Variants in ERICH3 observed in about 807,000 individuals in gnomAD.
The protein encoded by ERICH3 is glutamate rich 3, also known as glutamate-rich protein 3.
In ERICH3, 126 loss-of-function variants were observed where a neutral mutation model predicts 131.1. The ratio of observed to expected loss-of-function variants is 0.96; its 90% CI spans 0.83 to 1.11. ERICH3 has a LOEUF of 1.11. ERICH3 is among the 50% of genes most tolerant of loss of function. The probability of loss-of-function intolerance (pLI) is 0.00; values close to 1 mark genes in which losing one functional copy is unlikely to be tolerated. For missense variants in ERICH3, 2,050 were observed against 1,810.7 expected (o/e 1.13, Z -2.40); for synonymous variants, 695 against 644.6 (o/e 1.08, Z -1.18).
At chr1:74,667,582 A>G (rs2100660296) in intron 1 of ERICH3, among the ~76,000 whole-genome samples, 1 of 152,346 alleles carries the variant, frequency 6.6e-6, no homozygotes, top group Non-Finnish European at 1.5e-5. Context: ...AAAAATAATT[A>G]AACTTTACCT....
chr1:74,646,787 T>G lies in ERICH3; in HGVS notation c.123A>C (p.Thr41=), dbSNP rs959129422. 4.1e-6 allele frequency: 6 copies of G among 1,466,350 alleles called. No individual in the cohort carries two copies. The highest frequency in any genetic ancestry group is 5.6e-6 in the Non-Finnish European group (6 of 1,078,620). The allele number at this position is 1,466,350 out of a possible 1,614,324, so 90.8% of individuals were successfully genotyped here. A position where few individuals can be genotyped will look rare whatever the true frequency, so the allele number is the denominator to read the frequency against. ...TTTCAGAAAGTATTCTTCCACTTCT[T>G]GTGATCTGTCATGAATAAATAAAAT... ...RRHLLRSGLI[T]RSGRILSEKE... is the part of the protein sequence containing the mutation. The change falls in exon 3 of 15, where the codon ACA becomes ACC. Residue 41 remains threonine, a synonymous_variant. Transcript: ENST00000326665.
At chr1:74,650,646 G>C (rs1237710896) in intron 1 of ERICH3, among the ~76,000 whole-genome samples, 2 of 152,156 alleles carry the variant, frequency 1.3e-5, no homozygotes, top group East Asian at 1.9e-4. Flanking sequence ...AGGAAAAAGG[G>C]ATGATTCACA....
chr1:74,623,467 A>G (rs1219160747), intron 7 of ERICH3: 1 of 152,166 alleles, frequency 6.6e-6, no homozygotes, highest in Non-Finnish European at 1.5e-5. Context: ...ACTCCTCTCC[A>G]TCTTCTTCAC....
chr1:74,605,478 T>C (rs1648341492), intron 10 of ERICH3, among the ~76,000 whole-genome samples: 2 of 151,944 alleles, frequency 1.3e-5, no homozygotes, highest in Admixed American at 6.6e-5. Context: ...GCTTTTGATA[T>C]GCCTTCCTCA....
intron 8 of ERICH3, 35 bp downstream of exon 8, chr1:74,620,699 C>T: frequency 2.6e-6 from 4 of 1,516,544 alleles, no homozygotes; most frequent in Non-Finnish European, 3.6e-6. Context: ...ACATCAACTC[C>T]AAGCAATTAA....
intron 3 of ERICH3, among the ~76,000 whole-genome samples, chr1:74,645,074 C>G (rs1047311081): frequency 6.6e-6 from 1 of 152,042 alleles, no homozygotes; most frequent in Non-Finnish European, 1.5e-5. Flanking sequence ...CACAGGATCC[C>G]TCACTCGTCT....
intron 5 of ERICH3, among the ~76,000 whole-genome samples, chr1:74,641,075 T>A (rs1326982482): frequency 6.6e-6 from 1 of 152,046 alleles, no homozygotes; most frequent in Admixed American, 6.6e-5. Context: ...TTTGGGTGTA[T>A]AAATAACATA....
chr1:74,579,228 A>T (rs1297663144), intron 12 of ERICH3, among the ~76,000 whole-genome samples: 1 of 152,178 alleles, frequency 6.6e-6, no homozygotes, highest in Admixed American at 6.5e-5. Flanking sequence ...TGGCAATTAC[A>T]TGAAGCTTCA....
chr1:74,657,478 C>T (rs1341202153), intron 1 of ERICH3, among the ~76,000 whole-genome samples: 1 of 152,136 alleles, frequency 6.6e-6, no homozygotes, highest in Non-Finnish European at 1.5e-5. Context: ...AAACTGATAT[C>T]ATATAAATGA....
At chr1:74,614,538 G>T (rs945903059) in intron 8 of ERICH3, among the ~76,000 whole-genome samples, 35 of 151,522 alleles carry the variant, frequency 2.3e-4, no homozygotes, top group Non-Finnish European at 8.8e-5. Context: ...TTAGCCGGGC[G>T]TGGTAGCGGG....
rs1570794723 is a variant in ERICH3, at chr1:74,573,505, G to T, written c.2219-14C>A. The T allele has an allele frequency of 1.3e-6, 2 of 1,493,316 alleles. No homozygotes were observed. The highest frequency in any genetic ancestry group is 2.4e-5 in the East Asian group (1 of 42,042). The allele number at this position is 1,493,316 out of a possible 1,614,324, so 92.5% of individuals were successfully genotyped here. A position where few individuals can be genotyped will look rare whatever the true frequency, so the allele number is the denominator to read the frequency against. On this transcript the variant is annotated splice_polypyrimidine_tract_variant and intron_variant, in intron 13 of 14. Coordinates refer to ENST00000326665, the MANE Select transcript of ERICH3 (RefSeq NM_001002912.5). ...TCATTGTTGGTGCTATAAAAATAAG[G>T]TTAGAAATCAAGATTACTTTAATCC... is the stretch of plus-strand genomic sequence containing the variant.
chr1:74,603,881 C>T (rs989458849), intron 10 of ERICH3, among the ~76,000 whole-genome samples: 1 of 151,882 alleles, frequency 6.6e-6, no homozygotes, highest in East Asian at 1.9e-4. Context: ...CCTGACTGAT[C>T]GGGGTGGTGG....
In ERICH3 at chr1:74,572,188, C is replaced by A. The variant is rs1646964112; in HGVS notation, c.3522G>T (p.Arg1174Ser). 1 of 1,614,164 alleles carries A rather than the reference C, an allele frequency of 6.2e-7. No individual in the cohort carries two copies. The highest frequency in any genetic ancestry group is 8.5e-7 in the Non-Finnish European group (1 of 1,180,028). Residue 1174 changes from arginine to serine, a missense_variant, in exon 14 of 15, where the codon AGG becomes AGT. Transcript: ENST00000326665. ...TCAGTCTTTCCCCTCCTCCTTCTTT[C>A]CTCAGAGCTGTTATGTTTTCCAGCG... ...EKSLENITAL[R>S]KEGGGERLSE...
At chr1:74,674,267 G>C (rs77616120), upstream of ERICH3, among the ~76,000 whole-genome samples, 141 of 152,276 alleles carry the variant, frequency 9.3e-4, no homozygotes, top group African/African-American at 3.3e-3. Flanking sequence ...TCAGAAGATG[G>C]GGGAGACGCA....
At chr1:74,595,407 T>A (rs957907391) in intron 11 of ERICH3, among the ~76,000 whole-genome samples, 2 of 152,086 alleles carry the variant, frequency 1.3e-5, no homozygotes, top group Non-Finnish European at 2.9e-5. Context: ...GTTATTATTA[T>A]CAGATGAAAT....
At chr1:74,626,114 T>C (rs1193960087) in intron 7 of ERICH3, 1 of 152,214 alleles carries the variant, frequency 6.6e-6, no homozygotes, top group Admixed American at 6.5e-5. Flanking sequence ...TGTTTCTCTT[T>C]ATCTTTTTAA....
At chr1:74,597,800 A>T (rs577054671) in intron 11 of ERICH3, among the ~76,000 whole-genome samples, 1 of 152,102 alleles carries the variant, frequency 6.6e-6, no homozygotes, top group Admixed American at 6.6e-5. Flanking sequence ...CCTAAATCTA[A>T]CATTGAGATT....
Position 74,569,917 on chromosome 1 carries a change from G to C in ERICH3, c.*541C>G, listed in dbSNP as rs1253399889. 6.6e-6 allele frequency: 1 copy of C among 152,192 alleles called. No homozygotes were observed. Among genetic ancestry groups the C allele is most frequent in the Non-Finnish European group, 1.5e-5 (1 of 68,038 alleles). 9.4% of individuals were successfully genotyped at this position (152,192 alleles called of 1,614,324 possible). A position where few individuals can be genotyped will look rare whatever the true frequency, so the allele number is the denominator to read the frequency against. The stretch of plus-strand genomic sequence containing the variant: ...AGAAATCTTTTGCTGGAAGAACTTA[G>C]AGATTTGGAGCAATCTTGAGTTTTG... On this transcript the variant is annotated 3_prime_UTR_variant, in exon 15 of 15. Transcript: ENST00000326665.
chr1:74,621,197 GGTGT>G (rs1649205039), intron 7 of ERICH3, among the ~76,000 whole-genome samples: 1 of 152,068 alleles, frequency 6.6e-6, no homozygotes, highest in African/African-American at 2.4e-5. Flanking sequence ...TGTGTGGGGA[GGTGT>G]GTGGGAGTGT....
Sources: gnomAD v4.1 joint callset for allele counts (sites outside exome capture counted in the v4.1 genomes callset) on GRCh38, gnomAD v4.1.1 for gene constraint, MANE v1.5 for transcripts, NCBI Gene and HGNC (gene_info 2026-07-23, HGNC 2026-07-21) for gene names.